Variants in MALRD1 observed in about 807,000 individuals in gnomAD.
The protein encoded by MALRD1 is MAM and LDL receptor class A domain containing 1, also known as MAM and LDL-receptor class A domain-containing protein 1.
A neutral mutation model predicts 242.1 loss-of-function variants in MALRD1; 247 were observed. That is an observed-to-expected ratio of 1.02 (90% CI 0.92 to 1.13). The LOEUF (loss-of-function observed/expected upper bound fraction) is 1.13, where lower values mean the gene tolerates loss of function less well. Ranked by LOEUF, MALRD1 falls within the 50% of genes most tolerant of loss-of-function variation. The probability of loss-of-function intolerance (pLI) is 0.00; values close to 1 mark genes in which losing one functional copy is unlikely to be tolerated. For missense variants in MALRD1, 2,989 were observed against 2,533.1 expected (o/e 1.18, Z -3.86); for synonymous variants, 995 against 866.6 (o/e 1.15, Z -2.60).
intron 34 of MALRD1, among the ~76,000 whole-genome samples, chr10:19,602,931 T>G (rs1838432923): frequency 6.6e-6 from 1 of 152,200 alleles, no homozygotes; most frequent in Non-Finnish European, 1.5e-5. Flanking sequence ...TTGATTTGCA[T>G]TTCTCTGATG....
chr10:19,059,315 C>A (rs1023671705), intron 1 of MALRD1, among the ~76,000 whole-genome samples: 5 of 152,014 alleles, frequency 3.3e-5, no homozygotes, highest in African/African-American at 1.2e-4. Flanking sequence ...GTGTGTTGGG[C>A]TTCTATATCA....
At position 19,365,883 on chromosome 10, in the gene MALRD1, C is replaced by T. The variant is rs533334116; in HGVS notation, c.4441+13586C>T. ...CCAGAAACTTTCCTGTTCTCCTTCCCGGTAATACTGCCCTCCACCCCAGCA... is the reference window on the plus strand; with the variant it reads ...CCAGAAACTTTCCTGTTCTCCTTCCTGGTAATACTGCCCTCCACCCCAGCA... On this transcript the variant is annotated intron_variant, in intron 26 of 39. Transcript: ENST00000454679. Among the ~76,000 whole-genome samples the T allele has an allele frequency of 3.3e-4, 50 of 152,000 alleles. 1 individual carries two copies. In the South Asian group the frequency reaches 8.7e-3, roughly 27 times the overall value.
In MALRD1 at chr10:19,088,307, G is replaced by C. The variant is rs139043724; in HGVS notation, c.597+122G>C. ...TGCCAGGGACTGAGGGATTTCCCAG[G>C]ACTTTCAAATGCTGAAAGTGGACAT... On this transcript the variant is annotated intron_variant, in intron 4 of 39. Transcript: ENST00000454679. The C allele has an allele frequency of 1.6e-4, 148 of 897,996 alleles. No individual in the cohort carries two copies. In the African/African-American group the frequency reaches 2.4e-3, roughly 14 times the overall value. The allele number at this position is 897,996 out of a possible 1,614,324, so 55.6% of individuals were successfully genotyped here. A position where few individuals can be genotyped will look rare whatever the true frequency, so the allele number is the denominator to read the frequency against.
chr10:19,451,547 G>C (rs1205559486), intron 29 of MALRD1, among the ~76,000 whole-genome samples: 3 of 152,174 alleles, frequency 2.0e-5, no homozygotes. Flanking sequence ...TATACTGCCA[G>C]TGAAAGATAT....
chr10:19,320,207 G>T (rs1396023562), intron 21 of MALRD1, among the ~76,000 whole-genome samples: 1 of 151,672 alleles, frequency 6.6e-6, no homozygotes, highest in Non-Finnish European at 1.5e-5. Flanking sequence ...TTGTCGTGAT[G>T]CTCTCCCTCC....
At chr10:19,063,342 A>G (rs536668369) in intron 1 of MALRD1, among the ~76,000 whole-genome samples, 10 of 152,144 alleles carry the variant, frequency 6.6e-5, no homozygotes, top group Non-Finnish European at 1.3e-4. Flanking sequence ...TAGATTTTTC[A>G]TAATTCTTAC....
At chr10:19,332,807 A>G (rs1196710910) in intron 24 of MALRD1, among the ~76,000 whole-genome samples, 1 of 152,212 alleles carries the variant, frequency 6.6e-6, no homozygotes, top group East Asian at 1.9e-4. Context: ...AGCTGTCAAC[A>G]AGAGTGCCTT....
chr10:19,693,482 C>A (rs2131827207), intron 38 of MALRD1, among the ~76,000 whole-genome samples: 1 of 152,160 alleles, frequency 6.6e-6, no homozygotes, highest in African/African-American at 2.4e-5. Context: ...ACAATTACTT[C>A]AAAGAGAATA....
intron 31 of MALRD1, among the ~76,000 whole-genome samples, chr10:19,508,555 C>A (rs553113767): frequency 6.6e-6 from 1 of 152,218 alleles, no homozygotes; most frequent in Admixed American, 6.5e-5. Context: ...CTATTGAGCC[C>A]TTGAAATGTG....
intron 21 of MALRD1, among the ~76,000 whole-genome samples, chr10:19,299,879 A>G (rs1278757256): frequency 6.6e-6 from 1 of 151,912 alleles, no homozygotes; most frequent in Non-Finnish European, 1.5e-5. Flanking sequence ...GCAATCAATC[A>G]AGAGAAACAA....
intron 14 of MALRD1, among the ~76,000 whole-genome samples, chr10:19,181,345 T>C (rs2131558119): frequency 6.6e-6 from 1 of 152,272 alleles, no homozygotes. Context: ...TAAACTGTGG[T>C]ATCTAAAGAA....
At chr10:19,244,762 T>C (rs1369349616) in intron 18 of MALRD1, among the ~76,000 whole-genome samples, 1 of 152,180 alleles carries the variant, frequency 6.6e-6, no homozygotes, top group Non-Finnish European at 1.5e-5. Context: ...CAGGTTTGAT[T>C]GTCTTTGAGG....
chr10:19,315,016 T>G (rs946148192), intron 21 of MALRD1, among the ~76,000 whole-genome samples: 29 of 144,364 alleles, frequency 2.0e-4, no homozygotes, highest in African/African-American at 7.1e-4. Flanking sequence ...ATAATTTATA[T>G]AAATATATAA....
chr10:19,546,237 C>T (rs1835202672), intron 32 of MALRD1, among the ~76,000 whole-genome samples: 1 of 152,214 alleles, frequency 6.6e-6, no homozygotes. Context: ...CTTCCCCTAA[C>T]AGTGAATATG....
At chr10:19,264,718 G>T (rs1439462105) in intron 19 of MALRD1, among the ~76,000 whole-genome samples, 1 of 152,152 alleles carries the variant, frequency 6.6e-6, no homozygotes, top group Non-Finnish European at 1.5e-5. Context: ...CTCTCAAAGT[G>T]CTGGGATTAC....
chr10:19,235,579 AGAGAGAGAGAG>A (rs1564488788), intron 18 of MALRD1, among the ~76,000 whole-genome samples: 1 of 3,226 alleles, frequency 3.1e-4, no homozygotes, highest in Non-Finnish European at 4.9e-4. Flanking sequence ...CCACACCCAC[AGAGAGAGAGAG>A]AGAGAGAGAG....
At chr10:19,296,288 C>T (rs1304213250) in intron 21 of MALRD1, among the ~76,000 whole-genome samples, 1 of 152,040 alleles carries the variant, frequency 6.6e-6, no homozygotes, top group African/African-American at 2.4e-5. Context: ...GTAATTATTT[C>T]CTCTGCCAGA....
chr10:19,567,835 A>G, intron 33 of MALRD1, 132 bp downstream of exon 33: 1 of 804,022 alleles, frequency 1.2e-6, no homozygotes, highest in East Asian at 2.7e-5. Flanking sequence ...AAAGAGTCAC[A>G]TATACTAAGA....
intron 10 of MALRD1, among the ~76,000 whole-genome samples, chr10:19,144,054 G>A (rs1564420478): frequency 6.6e-6 from 1 of 152,158 alleles, no homozygotes; most frequent in African/African-American, 2.4e-5. Context: ...AGGTATATGG[G>A]CAAACTGCAC....
Sources: allele counts gnomAD v4.1 joint callset (sites outside exome capture counted in the v4.1 genomes callset), GRCh38; gene constraint gnomAD v4.1.1; transcripts MANE v1.5; gene names NCBI Gene and HGNC (gene_info 2026-07-23, HGNC 2026-07-21).